The following ADGRL2 variants were observed in gnomAD, a reference collection of about 807,000 sequenced individuals.
ADGRL2 encodes the protein adhesion G protein-coupled receptor L2.
ADGRL2 carries 44 observed loss-of-function variants against 157.4 expected under a neutral mutation model. The observed-to-expected ratio is 0.28, with a 90% CI of 0.22 to 0.36. The LOEUF (loss-of-function observed/expected upper bound fraction) is 0.36, where lower values mean the gene tolerates loss of function less well. Ranked by LOEUF, ADGRL2 falls within the 10% of genes least tolerant of loss-of-function variation. The pLI, the probability that ADGRL2 is intolerant of heterozygous loss-of-function variation, is 1.00. For missense variants in ADGRL2, 1,510 were observed against 1,768.9 expected (o/e 0.85, Z 2.63); for synonymous variants, 585 against 624.7 (o/e 0.94, Z 0.95).
chr1:81,782,742 G>A (rs536221519), intron 2 of ADGRL2, among the ~76,000 whole-genome samples: 1 of 152,286 alleles, frequency 6.6e-6, no homozygotes, highest in South Asian at 2.1e-4. Context: ...ATTGGAAGTC[G>A]GTGTAGGGTT....
At position 81,968,207 on chromosome 1, in the gene ADGRL2, T is replaced by C; in HGVS notation, c.2523+8T>C. The C allele has an allele frequency of 6.2e-7, 1 of 1,608,634 alleles. No homozygotes were observed. The highest frequency in any genetic ancestry group is 2.2e-5 in the East Asian group (1 of 44,836). On this transcript the variant is annotated splice_region_variant and intron_variant, in intron 14 of 23. Transcript: ENST00000686636. ...GCCCACAGGGAAATTGCAGTAAGTA[T>C]TTGCACTTCTAATTAGTAGCAGAGA...
chr1:81,474,551 A>G (rs753105677), intron 2 of ADGRL2, among the ~76,000 whole-genome samples: 1 of 152,236 alleles, frequency 6.6e-6, no homozygotes, highest in Admixed American at 6.5e-5. Context: ...CATGTCATTC[A>G]GTGAGCATGA....
chr1:81,981,254 C>A, intron 18 of ADGRL2: 1 of 194,892 alleles, frequency 5.1e-6, no homozygotes, highest in Non-Finnish European at 1.2e-5. Flanking sequence ...GACGAAATCT[C>A]TCCAAAATTA....
intron 3 of ADGRL2, among the ~76,000 whole-genome samples, chr1:81,909,999 C>T (rs751099057): frequency 2.2e-4 from 34 of 151,866 alleles, no homozygotes; most frequent in African/African-American, 4.1e-4. Context: ...CAGCACTTTG[C>T]GAGGCCGAGG....
intron 2 of ADGRL2, among the ~76,000 whole-genome samples, chr1:81,504,695 G>A (rs2078931999): frequency 6.6e-6 from 1 of 152,076 alleles, no homozygotes; most frequent in South Asian, 2.1e-4. Flanking sequence ...CTCACACTGG[G>A]TCGGGCCCTG....
At chr1:81,833,466 A>G (rs1361528904) in intron 1 of ADGRL2, among the ~76,000 whole-genome samples, 1 of 152,196 alleles carries the variant, frequency 6.6e-6, no homozygotes, top group African/African-American at 2.4e-5. Flanking sequence ...TTAGTTAACC[A>G]GTTTTAGAAA....
At chr1:81,678,504 A>C (rs1422730818) in intron 3 of ADGRL2, among the ~76,000 whole-genome samples, 1 of 152,194 alleles carries the variant, frequency 6.6e-6, no homozygotes, top group Non-Finnish European at 1.5e-5. Context: ...CTAAATTTTG[A>C]AGTTTAATTT....
At chr1:81,802,881 C>T (rs2149500346) in intron 1 of ADGRL2, among the ~76,000 whole-genome samples, 1 of 152,260 alleles carries the variant, frequency 6.6e-6, no homozygotes, top group East Asian at 1.9e-4. Flanking sequence ...CAGTAAAGCG[C>T]AGCCAGATGT....
At chr1:81,839,200 GTTCTTTTTATAC>G (rs1408865515) in intron 2 of ADGRL2, among the ~76,000 whole-genome samples, 2 of 151,704 alleles carry the variant, frequency 1.3e-5, no homozygotes, top group Admixed American at 1.3e-4. Flanking sequence ...ACACAGTTTA[GTTCTTTTTATAC>G]TTCTTTTTAT....
chr1:81,786,493 T>G (rs1393608744), intron 2 of ADGRL2, among the ~76,000 whole-genome samples: 1 of 152,124 alleles, frequency 6.6e-6, no homozygotes, highest in Non-Finnish European at 1.5e-5. Flanking sequence ...TGAAAATCAC[T>G]TGAACCTGAG....
rs2081237790 is a variant in ADGRL2 at position 81,596,577 on chromosome 1, C to A, written c.-143+15597C>A. On this transcript the variant is annotated intron_variant, in intron 3 of 24. Coordinates refer to the ADGRL2 transcript ENST00000370721. ...AACAGCGGTGAGTCAGGAGAAGGAG[C>A]GGGCGGATCAGAGCTCCGCACCACC... 4.8e-5 allele frequency: 13 copies of A among 268,640 alleles called. 1 individual carries two copies. In the South Asian group the frequency reaches 5.6e-4, roughly 11 times the overall value. The allele number at this position is 268,640 out of a possible 1,614,324, so 16.6% of individuals were successfully genotyped here.
intron 2 of ADGRL2, among the ~76,000 whole-genome samples, chr1:81,528,646 CAAAAAAAAAAAAA>C (rs59842382): frequency 4.5e-4 from 52 of 114,668 alleles, no homozygotes; most frequent in African/African-American, 1.7e-3. Context: ...GACTCCATCT[CAAAAAAAAAAAAA>C]AAAAAAAAAA....
At chr1:81,819,432 A>T (rs2090757408) in intron 1 of ADGRL2, among the ~76,000 whole-genome samples, 1 of 152,158 alleles carries the variant, frequency 6.6e-6, no homozygotes, top group Non-Finnish European at 1.5e-5. Flanking sequence ...CCAGCTGCTG[A>T]GAAGGTTGAT....
chr1:81,859,564 G>A (rs1047032677), intron 2 of ADGRL2, among the ~76,000 whole-genome samples: 2 of 151,672 alleles, frequency 1.3e-5, no homozygotes, highest in Non-Finnish European at 2.9e-5. Flanking sequence ...GCACCACCAC[G>A]CTCGGCTAAT....
At chr1:81,816,930 T>G (rs2149771262) in intron 1 of ADGRL2, among the ~76,000 whole-genome samples, 1 of 151,766 alleles carries the variant, frequency 6.6e-6, no homozygotes, top group South Asian at 2.1e-4. Context: ...GTTAATGGTA[T>G]CTCATGAATG....
intron 2 of ADGRL2, among the ~76,000 whole-genome samples, chr1:81,491,830 T>C (rs2078639439): frequency 6.6e-6 from 1 of 152,194 alleles, no homozygotes; most frequent in Non-Finnish European, 1.5e-5. Flanking sequence ...TGCAATACTG[T>C]GCTCGCGAAA....
chr1:81,852,373 T>G (rs1456369765), intron 2 of ADGRL2, among the ~76,000 whole-genome samples: 1 of 152,024 alleles, frequency 6.6e-6, no homozygotes, highest in Non-Finnish European at 1.5e-5. Flanking sequence ...AAGAGAAAGA[T>G]GGAAAGATAT....
At chr1:81,912,379 CTTA>C (rs967623194) in intron 3 of ADGRL2, among the ~76,000 whole-genome samples, 5 of 151,986 alleles carry the variant, frequency 3.3e-5, no homozygotes, top group African/African-American at 1.2e-4. Context: ...GCCTATGTTT[CTTA>C]TTAAGTAAAA....
chr1:81,586,852 C>T (rs540878164), intron 3 of ADGRL2, among the ~76,000 whole-genome samples: 1 of 152,042 alleles, frequency 6.6e-6, no homozygotes, highest in South Asian at 2.1e-4. Flanking sequence ...TGTCACCAAG[C>T]TAAAAGTTTA....
Sources: allele counts gnomAD v4.1 joint callset (sites outside exome capture counted in the v4.1 genomes callset), GRCh38; gene constraint gnomAD v4.1.1; transcripts MANE v1.5; gene names NCBI Gene and HGNC (gene_info 2026-07-23, HGNC 2026-07-21).